Variants in CBFB observed in about 807,000 individuals in gnomAD.
CBFB encodes the protein CBF-beta.
CBFB carries 9 observed loss-of-function variants against 30.4 expected under a neutral mutation model. The ratio of observed to expected loss-of-function variants is 0.30; its 90% CI spans 0.18 to 0.52. CBFB has a LOEUF of 0.52. Ranked by LOEUF, CBFB falls within the 20% of genes least tolerant of loss-of-function variation. CBFB has a pLI of 0.97. For missense variants in CBFB, 170 were observed against 244.0 expected (o/e 0.70, Z 2.02); for synonymous variants, 94 against 84.0 (o/e 1.12, Z -0.65).
chr16:67,069,332 T>G (rs1961152025), intron 4 of CBFB, among the ~76,000 whole-genome samples: 2 of 151,064 alleles, frequency 1.3e-5, no homozygotes, highest in African/African-American at 4.9e-5. Flanking sequence ...ATCGCATCAC[T>G]GCACTCCAGC....
chr16:67,042,388 A>G (rs994890524), intron 3 of CBFB, among the ~76,000 whole-genome samples: 18 of 152,300 alleles, frequency 1.2e-4, no homozygotes, highest in Middle Eastern at 3.4e-3. Flanking sequence ...GCCTTAAGCA[A>G]TCCTCCCACC....
chr16:67,075,197 A>AT (rs369475383), intron 4 of CBFB, among the ~76,000 whole-genome samples: 2 of 142,662 alleles, frequency 1.4e-5, no homozygotes, highest in Non-Finnish European at 3.1e-5. Context: ...CTCAAAAAAA[A>AT]TGTGTGTGTG....
At chr16:67,074,308 A>C (rs1961324456) in intron 4 of CBFB, among the ~76,000 whole-genome samples, 1 of 152,110 alleles carries the variant, frequency 6.6e-6, no homozygotes, top group African/African-American at 2.4e-5. Flanking sequence ...TGAGGGGAAA[A>C]TATATCAGAG....
chr16:67,055,357 CTTTTTTTTTTTTTTTTT>C (rs1163773529), intron 3 of CBFB, among the ~76,000 whole-genome samples: 1 of 81,474 alleles, frequency 1.2e-5, no homozygotes, highest in Non-Finnish European at 2.4e-5. Flanking sequence ...CAGACACTTT[CTTTTTTTTTTTTTTTTT>C]TTTTTTTTTT....
At chr16:67,096,381 A>G (rs917414404) in intron 5 of CBFB, among the ~76,000 whole-genome samples, 17 of 152,056 alleles carry the variant, frequency 1.1e-4, no homozygotes, top group African/African-American at 2.7e-4. Flanking sequence ...ATACAAACAG[A>G]TATTTGTGCT....
intron 3 of CBFB, among the ~76,000 whole-genome samples, chr16:67,060,866 G>A (rs922469098): frequency 1.3e-5 from 2 of 152,020 alleles, no homozygotes; most frequent in African/African-American, 2.4e-5. Context: ...CTTTCTGCAC[G>A]TTTCATATAA....
At chr16:67,042,819 T>C (rs1366345022) in intron 3 of CBFB, among the ~76,000 whole-genome samples, 1 of 152,172 alleles carries the variant, frequency 6.6e-6, no homozygotes, top group East Asian at 1.9e-4. Context: ...CTCTACAACC[T>C]CTGCCTGCCG....
At chr16:67,064,908 T>C (rs1416749145) in intron 3 of CBFB, among the ~76,000 whole-genome samples, 5 of 152,176 alleles carry the variant, frequency 3.3e-5, no homozygotes, top group Non-Finnish European at 7.3e-5. Context: ...CTCTCTCTTT[T>C]TTTTGTTTGA....
At chr16:67,067,701 C>T (rs1378568634) in intron 4 of CBFB, among the ~76,000 whole-genome samples, 1 of 152,086 alleles carries the variant, frequency 6.6e-6, no homozygotes, top group African/African-American at 2.4e-5. Flanking sequence ...GATCTGTTGT[C>T]CTGTCAAAGA....
intron 2 of CBFB, among the ~76,000 whole-genome samples, chr16:67,030,585 C>A (rs950621419): frequency 9.9e-5 from 15 of 151,914 alleles, no homozygotes; most frequent in Non-Finnish European, 1.8e-4. Context: ...TAGGAAGAAA[C>A]CAAGAAAAGA....
intron 5 of CBFB, among the ~76,000 whole-genome samples, chr16:67,091,635 A>G (rs972429062): frequency 1.6e-4 from 25 of 152,194 alleles, no homozygotes; most frequent in Admixed American, 1.6e-3. Context: ...CTTTGTAAGA[A>G]CTATATTTTT....
chr16:67,056,013 T>C (rs1189700440), intron 3 of CBFB, among the ~76,000 whole-genome samples: 6 of 152,230 alleles, frequency 3.9e-5, no homozygotes, highest in African/African-American at 1.4e-4. Flanking sequence ...CCAGTATTAC[T>C]GTTGGATGAT....
At chr16:67,086,097 G>A (rs758982282) in intron 5 of CBFB, among the ~76,000 whole-genome samples, 1 of 152,200 alleles carries the variant, frequency 6.6e-6, no homozygotes, top group Non-Finnish European at 1.5e-5. Flanking sequence ...GAAGAAAATG[G>A]AGGGATATAT....
In CBFB at chr16:67,036,707, A is replaced by ACAAACAC. The variant is rs1966444819; in HGVS notation, c.236_242dup (p.Ser82AsnfsTer3). Reference sequence around the variant, plus strand: ...CGGCCAGCTGGCAGGGAGAACAGCGACAAACACCTAGCCGAGAGTATGTCG... The same window carrying ACAAACAC: ...CGGCCAGCTGGCAGGGAGAACAGCGACAAACACCAAACACCTAGCCGAGAGTATGTCG... On this transcript the variant is annotated frameshift_variant, in exon 3 of 6. Transcript: ENST00000412916. LOFTEE classifies it high-confidence loss of function. 1 of 1,613,720 alleles carries ACAAACAC rather than the reference A, an allele frequency of 6.2e-7. No homozygotes were observed.
chr16:67,055,357 C>CTTTTTTTTTTTTTT lies in CBFB; in HGVS notation c.283-11311_283-11298dup, dbSNP rs1163773529. Reference sequence around the variant, plus strand: ...AAATCTATTGAATTCCAGACACTTTCTTTTTTTTTTTTTTTTTTTTTTTTT... The same window carrying CTTTTTTTTTTTTTT: ...AAATCTATTGAATTCCAGACACTTTCTTTTTTTTTTTTTTTTTTTTTTTTTTTTTTTTTTTTTTT... On this transcript the variant is annotated intron_variant, in intron 3 of 5. Coordinates refer to ENST00000412916, the MANE Select transcript of CBFB (RefSeq NM_022845.3). Among the ~76,000 whole-genome samples, 49 of 81,468 alleles carry CTTTTTTTTTTTTTT rather than the reference C, an allele frequency of 6.0e-4. 3 individuals carry two copies. The highest frequency in any genetic ancestry group is 1.3e-3 in the South Asian group (3 of 2,280). 53.4% of individuals were successfully genotyped at this position (81,468 alleles called of 152,430 possible).
At chr16:67,069,587 C>T (rs554959760) in intron 4 of CBFB, among the ~76,000 whole-genome samples, 2 of 152,180 alleles carry the variant, frequency 1.3e-5, no homozygotes, top group Admixed American at 1.3e-4. Flanking sequence ...GCCAAAAACT[C>T]TCACGTTTGA....
Position 67,029,455 on chromosome 16 carries a change from G to T in CBFB, c.48G>T (p.Glu16Asp). 1 of 1,592,088 alleles carries T rather than the reference G, an allele frequency of 6.3e-7. No individual in the cohort carries two copies. The highest frequency in any genetic ancestry group is 8.5e-7 in the Non-Finnish European group (1 of 1,170,634). ...PDQRSKFENE[E>D]FFRKLSRECE... Reference sequence around the variant, plus strand: ...AGAGAAGCAAGTTCGAGAACGAGGAGTTTTTTAGGAAGCTGAGCCGCGAGT... The same window carrying T: ...AGAGAAGCAAGTTCGAGAACGAGGATTTTTTTAGGAAGCTGAGCCGCGAGT... Residue 16 changes from glutamate (E) to aspartate (D), a missense_variant, in exon 1 of 6, where the codon GAG becomes GAT. By Grantham distance (45) the Glu-to-Asp change is conservative. Coordinates refer to ENST00000412916, the MANE Select transcript of CBFB (RefSeq NM_022845.3).
At position 67,099,896 on chromosome 16, in the gene CBFB, T is replaced by A; in HGVS notation, c.*1118T>A. On this transcript the variant is annotated 3_prime_UTR_variant, in exon 6 of 6. Transcript: ENST00000412916. ...AACATGCTGGGTGATGAAAGATTAG[T>A]TTTAGAGAGAAAATGTTCATCTGTG... is the stretch of plus-strand genomic sequence containing the variant. The A allele has an allele frequency of 4.7e-6, 1 of 211,892 alleles. No individual in the cohort carries two copies. Among genetic ancestry groups the A allele is most frequent in the East Asian group, 7.1e-5 (1 of 14,038 alleles). The allele number at this position is 211,892 out of a possible 1,614,324, so 13.1% of individuals were successfully genotyped here.
chr16:67,043,134 T>C (rs1966559996), intron 3 of CBFB, among the ~76,000 whole-genome samples: 1 of 152,134 alleles, frequency 6.6e-6, no homozygotes, highest in South Asian at 2.1e-4. Flanking sequence ...TAGAAGCTGG[T>C]CACTAAGTCT....
Sources: gnomAD v4.1 joint callset for allele counts (sites outside exome capture counted in the v4.1 genomes callset) on GRCh38, gnomAD v4.1.1 for gene constraint, MANE v1.5 for transcripts, NCBI Gene and HGNC (gene_info 2026-07-23, HGNC 2026-07-21) for gene names.